Variants in NDUFA7 observed in about 807,000 individuals in gnomAD.
NDUFA7 encodes NADH dehydrogenase [ubiquinone] 1 alpha subcomplex subunit 7.
A neutral mutation model predicts 14.2 loss-of-function variants in NDUFA7; 18 were observed. The observed-to-expected ratio is 1.27, with a 90% CI of 0.88 to 1.88. NDUFA7 has a LOEUF of 1.88. Among genes scored for constraint, NDUFA7 ranks in the 40% most tolerant of loss-of-function variants. The pLI, the probability that NDUFA7 is intolerant of heterozygous loss-of-function variation, is 0.00. For missense variants in NDUFA7, 172 were observed against 147.3 expected (o/e 1.17, Z -0.87); for synonymous variants, 75 against 62.1 (o/e 1.21, Z -0.98).
chr19:8,319,061 A>G (rs1970269482), intron 2 of NDUFA7, among the ~76,000 whole-genome samples: 2 of 145,998 alleles, frequency 1.4e-5, no homozygotes, highest in South Asian at 2.2e-4. Context: ...TCACAAAGCC[A>G]TTTCCTCAAC....
At chr19:8,311,858 G>A (rs1016581619) in intron 3 of NDUFA7, among the ~76,000 whole-genome samples, 1 of 152,324 alleles carries the variant, frequency 6.6e-6, no homozygotes, top group East Asian at 1.9e-4. Context: ...AGAACCCACT[G>A]TGGAGAGCTG....
intron 3 of NDUFA7, among the ~76,000 whole-genome samples, chr19:8,316,151 A>AAGAAAAAT (rs1970230772): frequency 6.9e-6 from 1 of 145,434 alleles, no homozygotes. Context: ...TCCGTCTCAA[A>AAGAAAAAT]AAAAAAAAAA....
chr19:8,312,796 C>G (rs903295041), intron 3 of NDUFA7, among the ~76,000 whole-genome samples: 2 of 152,298 alleles, frequency 1.3e-5, no homozygotes, highest in East Asian at 3.9e-4. Context: ...CTTCAAGTAG[C>G]TGGGCCTACG....
intron 3 of NDUFA7, among the ~76,000 whole-genome samples, chr19:8,315,843 CAAAACAAAAACA>C (rs539115494): frequency 4.0e-5 from 6 of 151,814 alleles, no homozygotes; most frequent in Non-Finnish European, 5.9e-5. Context: ...GACTCCATCT[CAAAACAAAAACA>C]AAAACAAAAA....
chr19:8,314,623 C>T (rs1337039766), intron 3 of NDUFA7, among the ~76,000 whole-genome samples: 4 of 151,436 alleles, frequency 2.6e-5, no homozygotes, highest in African/African-American at 9.7e-5. Context: ...AAAATTAACC[C>T]AGCATGGAGG....
At chr19:8,309,046 C>T (rs555882284), downstream of NDUFA7, among the ~76,000 whole-genome samples, 12 of 151,682 alleles carry the variant, frequency 7.9e-5, no homozygotes, top group Non-Finnish European at 1.5e-4. Context: ...CACAGCAAGT[C>T]CCCGCCCGCC....
chr19:8,310,400 G>C (rs957261478), downstream of NDUFA7: 3 of 152,424 alleles, frequency 2.0e-5, no homozygotes, highest in African/African-American at 7.3e-5. Context: ...TTGTACTCTA[G>C]CCTGGGCAAC....
At chr19:8,315,071 T>G (rs1970217788) in intron 3 of NDUFA7, among the ~76,000 whole-genome samples, 1 of 152,176 alleles carries the variant, frequency 6.6e-6, no homozygotes, top group African/African-American at 2.4e-5. Context: ...AAACAGAAGC[T>G]GGAAGGCAGC....
downstream of NDUFA7, among the ~76,000 whole-genome samples, chr19:8,309,825 C>T (rs921517009): frequency 6.6e-6 from 1 of 152,166 alleles, no homozygotes; most frequent in Non-Finnish European, 1.5e-5. Flanking sequence ...TGACACTCCC[C>T]TGCGTAGGGT....
intron 3 of NDUFA7, 140 bp downstream of exon 3, chr19:8,316,356 A>T: frequency 7.9e-7 from 1 of 1,273,644 alleles, no homozygotes; most frequent in Non-Finnish European, 1.1e-6. Flanking sequence ...TCGGACAAAA[A>T]GCTCCCAGCA....
chr19:8,320,932 G>C (rs755977773), intron 1 of NDUFA7, 26 bp from the exon 2 acceptor site: 1 of 1,613,294 alleles, frequency 6.2e-7, no homozygotes, highest in South Asian at 1.1e-5. Flanking sequence ...AGGAGAGGTC[G>C]GCCTGCAAGG....
chr19:8,309,082 C>T (rs1173157660), downstream of NDUFA7, among the ~76,000 whole-genome samples: 1 of 151,890 alleles, frequency 6.6e-6, no homozygotes, highest in Non-Finnish European at 1.5e-5. Context: ...ATTAGCTGGG[C>T]ATGGTGGCTC....
chr19:8,320,863 GAGATCTCCTGGTAGCGTAGCTGC>G lies in NDUFA7; in HGVS notation c.72_94del (p.Leu26AlafsTer13). ...GCGAGCGGGGCCTGCTCACCGCTTG[GAGATCTCCTGGTAGCGTAGCTGC>G]AGCTTCCCCTGCAGGTCATGCTGTG... On this transcript the variant is annotated frameshift_variant, in exon 2 of 4. Coordinates refer to ENST00000301457, the MANE Select transcript of NDUFA7 (RefSeq NM_005001.5). LOFTEE classifies it high-confidence loss of function. 6.2e-7 allele frequency: 1 copy of G among 1,613,770 alleles called. No homozygotes were observed.
intron 3 of NDUFA7, among the ~76,000 whole-genome samples, chr19:8,314,064 G>A (rs1379853792): frequency 6.6e-6 from 1 of 152,206 alleles, no homozygotes; most frequent in Non-Finnish European, 1.5e-5. Flanking sequence ...GCTCACACCT[G>A]TAATTCCAGC....
downstream of NDUFA7, among the ~76,000 whole-genome samples, chr19:8,309,422 C>T (rs1465665266): frequency 1.3e-5 from 2 of 151,288 alleles, no homozygotes; most frequent in African/African-American, 2.4e-5. Flanking sequence ...TGCAGTGCGC[C>T]GAGACCACAT....
intron 2 of NDUFA7, 42 bp downstream of exon 2, chr19:8,320,815 A>G (rs1222835416): frequency 6.2e-7 from 1 of 1,612,600 alleles, no homozygotes; most frequent in Non-Finnish European, 8.5e-7. Flanking sequence ...TGGTGGAGAA[A>G]GGACAGAGCC....
At chr19:8,312,176 G>C (rs1970186173) in intron 3 of NDUFA7, among the ~76,000 whole-genome samples, 1 of 152,224 alleles carries the variant, frequency 6.6e-6, no homozygotes, top group African/African-American at 2.4e-5. Context: ...AGGAGACCCT[G>C]TGCCGGCAAG....
In NDUFA7 at chr19:8,316,564, C is replaced by G. The variant is rs1265092781; in HGVS notation, c.183G>C (p.Arg61=). 1 of 1,614,150 alleles carries G rather than the reference C, an allele frequency of 6.2e-7. No homozygotes were observed. The highest frequency in any genetic ancestry group is 1.1e-5 in the South Asian group (1 of 91,088). ...NNYYCTRDGR[R]ESVPPSIIMS... is the part of the protein sequence containing the mutation. ...TGATGATGGAAGGGGGCACAGATTC[C>G]CGGCGGCCATCGCGAGTGCAATAGT... The change falls in exon 3 of 4, where the codon CGG becomes CGC. Residue 61 remains arginine (R), a synonymous_variant. Transcript: ENST00000301457.
intron 1 of NDUFA7, 106 bp from the exon 2 acceptor site, chr19:8,321,012 G>A (rs1204123145): frequency 1.1e-5 from 14 of 1,307,062 alleles, no homozygotes; most frequent in African/African-American, 1.0e-4. Context: ...TTTAAGGGAA[G>A]GCAGGGGATG....
Sources: allele counts gnomAD v4.1 joint callset (sites outside exome capture counted in the v4.1 genomes callset), GRCh38; gene constraint gnomAD v4.1.1; transcripts MANE v1.5; gene names NCBI Gene and HGNC (gene_info 2026-07-23, HGNC 2026-07-21).